The following HMCN1 variants were observed in gnomAD, a reference collection of about 807,000 sequenced individuals.
HMCN1 encodes hemicentin 1, also known as hemicentin-1.
HMCN1 carries 321 observed loss-of-function variants against 625.9 expected under a neutral mutation model. The observed-to-expected ratio is 0.51, with a 90% CI of 0.47 to 0.56. The LOEUF (loss-of-function observed/expected upper bound fraction) is 0.56. Among genes scored for constraint, HMCN1 ranks in the 20% least tolerant of loss-of-function variants. HMCN1 has a pLI of 0.00. For synonymous variants in HMCN1, 2,425 were observed against 2,417.6 expected (o/e 1.00, Z -0.09); for missense variants, 6,588 against 6,887.3 (o/e 0.96, Z 1.54).
intron 4 of HMCN1, among the ~76,000 whole-genome samples, chr1:185,871,261 G>A (rs1446405139): frequency 6.6e-6 from 1 of 151,712 alleles, no homozygotes; most frequent in Non-Finnish European, 1.5e-5. Context: ...GCATCCCAGG[G>A]TGCAAAGCCA....
intron 103 of HMCN1, among the ~76,000 whole-genome samples, chr1:186,176,019 C>G (rs759689121): frequency 5.9e-5 from 9 of 151,970 alleles, no homozygotes; most frequent in Non-Finnish European, 1.3e-4. Flanking sequence ...CTATTTTATT[C>G]TACCTTCCTG....
In HMCN1 at chr1:185,989,590, T is replaced by C; in HGVS notation, c.3151T>C (p.Cys1051Arg). 1 of 1,614,024 alleles carries C rather than the reference T, an allele frequency of 6.2e-7. No homozygotes were observed. Among genetic ancestry groups the C allele is most frequent in the South Asian group, 1.1e-5 (1 of 91,076 alleles). The change falls in exon 21 of 107, where the codon TGC (cysteine) becomes CGC (arginine). Residue 1051 changes from cysteine to arginine, a missense_variant. By Grantham distance (180) the Cys-to-Arg change is radical. This residue lies in a region of HMCN1 where 4,628 missense variants were observed against 4,853.1 expected (regional missense o/e 0.95). Transcript: ENST00000271588. ...AGGAGAGGAGAGTGGGGAGTATGTC[T>C]GCACTGCCACCAATACAGCCGGCTA... is the stretch of plus-strand genomic sequence containing the variant. ...PGGEESGEYV[C>R]TATNTAGYAK...
At chr1:186,144,478 T>A in intron 90 of HMCN1, 55 bp from the exon 91 acceptor site, 1 of 1,612,944 alleles carries the variant, frequency 6.2e-7, no homozygotes, top group Non-Finnish European at 8.5e-7. Flanking sequence ...GCCCAGAGTG[T>A]AACACGATGG....
At chr1:185,900,684 T>G (rs1665756161) in intron 4 of HMCN1, among the ~76,000 whole-genome samples, 1 of 151,944 alleles carries the variant, frequency 6.6e-6, no homozygotes, top group African/African-American at 2.4e-5. Flanking sequence ...ATATGACATT[T>G]GAATGTATAC....
Position 186,103,658 on chromosome 1 carries a change from C to T in HMCN1, c.10760C>T (p.Ser3587Phe). Reference protein sequence around the residue: ...TLGGGEVLRISTAQVEDTGRY... With the variant: ...TLGGGEVLRIFTAQVEDTGRY... The stretch of plus-strand genomic sequence containing the variant: ...GGAGGAGGAGAGGTTCTTCGAATTT[C>T]TACTGCTCAGGTAAGTGTCAAAGTT... The change falls in exon 69 of 107, where the codon TCT becomes TTT. Residue 3587 changes from serine to phenylalanine, a missense_variant. Around this residue, in one of 3 missense-constraint regions of HMCN1, gnomAD observed 4,628 missense variants for 4,853.1 expected, o/e 0.95. Coordinates refer to ENST00000271588, the MANE Select transcript of HMCN1 (RefSeq NM_031935.3). 1 of 1,613,578 alleles carries T rather than the reference C, an allele frequency of 6.2e-7. No homozygotes were observed. The highest frequency in any genetic ancestry group is 8.5e-7 in the Non-Finnish European group (1 of 1,179,626).
At chr1:185,768,436 T>A (rs917941810) in intron 1 of HMCN1, among the ~76,000 whole-genome samples, 3 of 152,140 alleles carry the variant, frequency 2.0e-5, no homozygotes, top group African/African-American at 4.8e-5. Context: ...CATTGTCATG[T>A]CCTCTGAGAA....
intron 53 of HMCN1, among the ~76,000 whole-genome samples, chr1:186,075,479 C>A (rs1367335947): frequency 5.9e-5 from 9 of 152,030 alleles, no homozygotes; most frequent in Admixed American, 5.9e-4. Flanking sequence ...AGCTTTGTGA[C>A]TTAGTAAAGT....
At chr1:185,755,261 T>C (rs1403185453) in intron 1 of HMCN1, among the ~76,000 whole-genome samples, 1 of 152,228 alleles carries the variant, frequency 6.6e-6, no homozygotes, top group Non-Finnish European at 1.5e-5. Context: ...TTAAAATTAT[T>C]ACATCTACTT....
At chr1:185,800,914 AT>A (rs1398756313) in intron 1 of HMCN1, among the ~76,000 whole-genome samples, 3 of 152,190 alleles carry the variant, frequency 2.0e-5, no homozygotes, top group Non-Finnish European at 4.4e-5. Context: ...GTTTTTAATA[AT>A]TTTATTAAAG....
At chr1:185,958,605 G>A (rs956406087) in intron 11 of HMCN1, among the ~76,000 whole-genome samples, 5 of 152,092 alleles carry the variant, frequency 3.3e-5, no homozygotes, top group African/African-American at 7.2e-5. Context: ...AAGTTACATC[G>A]TGCCTACTAC....
intron 89 of HMCN1, among the ~76,000 whole-genome samples, chr1:186,142,536 A>ATATACCCAATAGT (rs1214075812): frequency 5.9e-5 from 9 of 152,222 alleles, no homozygotes; most frequent in African/African-American, 2.2e-4. Context: ...GTGGGATTGC[A>ATATACCCAATAGT]GGGTCAAATG....
intron 14 of HMCN1, among the ~76,000 whole-genome samples, chr1:185,967,947 A>G (rs972633350): frequency 2.0e-5 from 3 of 152,192 alleles, no homozygotes; most frequent in Non-Finnish European, 4.4e-5. Flanking sequence ...ATGCTCTCTT[A>G]AATTTTAGAT....
At chr1:185,960,408 C>T (rs897483203) in intron 11 of HMCN1, among the ~76,000 whole-genome samples, 4 of 152,094 alleles carry the variant, frequency 2.6e-5, no homozygotes, top group African/African-American at 4.8e-5. Context: ...GGATTACAGG[C>T]GTGAACCACC....
At chr1:185,998,726 AC>A (rs1652975010) in intron 25 of HMCN1, among the ~76,000 whole-genome samples, 1 of 152,130 alleles carries the variant, frequency 6.6e-6, no homozygotes, top group Non-Finnish European at 1.5e-5. Context: ...ATTTAAAGTT[AC>A]TAGACATCGT....
chr1:185,927,380 A>G (rs1207983129), intron 9 of HMCN1, among the ~76,000 whole-genome samples: 1 of 152,136 alleles, frequency 6.6e-6, no homozygotes, highest in Non-Finnish European at 1.5e-5. Context: ...TTATTCTGAA[A>G]GTGACAAGAA....
intron 1 of HMCN1, among the ~76,000 whole-genome samples, chr1:185,778,089 G>C (rs2102163773): frequency 6.6e-6 from 1 of 152,278 alleles, no homozygotes; most frequent in South Asian, 2.1e-4. Context: ...AGATCTTCCA[G>C]AGTCAAGATG....
chr1:185,918,372 C>T (rs886829679), intron 6 of HMCN1, among the ~76,000 whole-genome samples: 2 of 152,192 alleles, frequency 1.3e-5, no homozygotes, highest in African/African-American at 4.8e-5. Flanking sequence ...ATCCAGAAGA[C>T]TCAGCAAGCC....
At chr1:186,069,927 A>G (rs1658381286) in intron 51 of HMCN1, 151 bp downstream of exon 51, 1 of 677,782 alleles carries the variant, frequency 1.5e-6, no homozygotes, top group African/African-American at 1.8e-5. Flanking sequence ...AGTTGAATTA[A>G]GCATTGTGTC....
chr1:186,057,658 C>G (rs1657429080), intron 46 of HMCN1, among the ~76,000 whole-genome samples: 1 of 151,906 alleles, frequency 6.6e-6, no homozygotes, highest in African/African-American at 2.4e-5. Flanking sequence ...ATGGAGATGT[C>G]AAAGCATTCA....
Sources: gnomAD v4.1 joint callset for allele counts (sites outside exome capture counted in the v4.1 genomes callset) on GRCh38, gnomAD v4.1.1 for gene constraint, gnomAD v4.1.1 regional missense constraint, MANE v1.5 for transcripts, NCBI Gene and HGNC (gene_info 2026-07-23, HGNC 2026-07-21) for gene names.